The following FUT8 variants were observed in gnomAD, a reference collection of about 807,000 sequenced individuals.
FUT8 encodes alpha-(1,6)-fucosyltransferase.
FUT8 carries 29 observed loss-of-function variants against 71.3 expected under a neutral mutation model. The observed-to-expected ratio is 0.41, with a 90% CI of 0.30 to 0.55. The LOEUF is 0.55. Among genes scored for constraint, FUT8 ranks in the 20% least tolerant of loss-of-function variants. The pLI, the probability that FUT8 is intolerant of heterozygous loss-of-function variation, is 0.34. For synonymous variants in FUT8, 254 were observed against 239.3 expected (o/e 1.06, Z -0.57); for missense variants, 544 against 702.1 (o/e 0.77, Z 2.55).
chr14:65,634,042 C>T (rs1211415301), intron 6 of FUT8, among the ~76,000 whole-genome samples: 1 of 152,218 alleles, frequency 6.6e-6, no homozygotes, highest in Non-Finnish European at 1.5e-5. Context: ...TCTGCCCGGC[C>T]ACCACCCGGT....
chr14:65,575,451 C>T (rs1886704307), intron 3 of FUT8, among the ~76,000 whole-genome samples: 2 of 152,012 alleles, frequency 1.3e-5, no homozygotes, highest in Non-Finnish European at 2.9e-5. Flanking sequence ...CAGAAAATCC[C>T]ATTTTGATAG....
intron 10 of FUT8, among the ~76,000 whole-genome samples, chr14:65,741,875 C>A (rs1237214629): frequency 6.6e-6 from 1 of 151,826 alleles, no homozygotes; most frequent in Non-Finnish European, 1.5e-5. Context: ...AATAATCTTT[C>A]GTGAGTTTTT....
the FUT8 span, among the ~76,000 whole-genome samples, chr14:65,402,857 A>G: frequency 6.6e-6 from 1 of 152,136 alleles, no homozygotes; most frequent in East Asian, 1.9e-4. Flanking sequence ...ACCCCACTTG[A>G]CCTCTATCTA....
chr14:65,626,395 A>G (rs886718849), intron 5 of FUT8, among the ~76,000 whole-genome samples: 1 of 152,234 alleles, frequency 6.6e-6, no homozygotes, highest in Non-Finnish European at 1.5e-5. Context: ...TCTGGCTCCC[A>G]AAGCTCTCTC....
intron 2 of FUT8, among the ~76,000 whole-genome samples, chr14:65,512,031 A>G (rs1276770186): frequency 6.6e-6 from 1 of 152,188 alleles, no homozygotes. Context: ...CCTGGGGTAT[A>G]TGGTATAGCC....
chr14:65,477,271 G>GCA (rs1566772556), intron 2 of FUT8, among the ~76,000 whole-genome samples: 1 of 152,140 alleles, frequency 6.6e-6, no homozygotes. Context: ...AGAGTCTTTA[G>GCA]CACAGTTCCT....
At chr14:65,450,832 G>C (rs554418474) in intron 1 of FUT8, among the ~76,000 whole-genome samples, 1 of 151,736 alleles carries the variant, frequency 6.6e-6, no homozygotes, top group South Asian at 2.1e-4. Flanking sequence ...CGCAACAGGG[G>C]TGCCTTGTTT....
the FUT8 span, among the ~76,000 whole-genome samples, chr14:65,360,904 C>T: frequency 7.7e-4 from 117 of 152,248 alleles, no homozygotes; most frequent in Middle Eastern, 0.01. Flanking sequence ...TTTATGAGCC[C>T]ATATTTTCTC....
At chr14:65,620,146 TA>T (rs1271150331) in intron 5 of FUT8, among the ~76,000 whole-genome samples, 2 of 146,342 alleles carry the variant, frequency 1.4e-5, no homozygotes, top group Non-Finnish European at 3.0e-5. Context: ...AAAATTACCA[TA>T]TTTTTTTTAA....
the FUT8 span, among the ~76,000 whole-genome samples, chr14:65,398,544 G>A: frequency 6.6e-6 from 1 of 151,898 alleles, no homozygotes; most frequent in Non-Finnish European, 1.5e-5. Context: ...GACGATTCTG[G>A]CCAACATGGC....
At position 65,643,698 on chromosome 14, in the gene FUT8, ACACACACACACACACACC is replaced by A. The variant is rs1890972659; in HGVS notation, c.597+14093_597+14110del. ...CACACACACACACACACACACACACACACACACACACACACACCAGATTCCATTCTAGATGCTATTCCT... is the reference window on the plus strand; with the variant it reads ...CACACACACACACACACACACACACAAGATTCCATTCTAGATGCTATTCCT... On this transcript the variant is annotated intron_variant, in intron 6 of 10. Coordinates refer to ENST00000673929, the MANE Select transcript of FUT8 (RefSeq NM_001371533.1). The surrounding 1 kb of genome is among the most constrained non-coding windows in gnomAD (Gnocchi z 4.5). Among the ~76,000 whole-genome samples, 4 of 148,490 alleles carry A rather than the reference ACACACACACACACACACC, an allele frequency of 2.7e-5. No individual in the cohort carries two copies. In the South Asian group the frequency reaches 8.4e-4, roughly 31 times the overall value.
rs74056768 is a variant in FUT8 at position 65,444,007 on chromosome 14, A to C, written c.-325-11614A>C. Among the ~76,000 whole-genome samples, 1,173 of 152,294 alleles carry C rather than the reference A, an allele frequency of 7.7e-3. 9 individuals carry two copies. Among genetic ancestry groups the C allele is most frequent in the African/African-American group, 0.023 (976 of 41,568 alleles). ...TTTTAATTTAGTAAAACAAATTGAA[A>C]ATATTTGCATAAACTTTCTCTTATT... On this transcript the variant is annotated intron_variant, in intron 1 of 10. Transcript: ENST00000673929.
In FUT8 at chr14:65,611,297, ACACACC is replaced by A. The variant is rs1566851574; in HGVS notation, c.204-4679_204-4674del. On this transcript the variant is annotated intron_variant, in intron 3 of 10. Coordinates refer to ENST00000673929, the MANE Select transcript of FUT8 (RefSeq NM_001371533.1). ...CACACACACACACACACACACACAC[ACACACC>A]CCCCAAGTAATAGCCTTGATTTTGC... 2.7e-3 allele frequency among the ~76,000 whole-genome samples: 131 copies of A among 48,772 alleles called. 24 individuals are homozygous for A. The highest frequency in any genetic ancestry group is 0.012 in the African/African-American group (106 of 8,952). 32.0% of individuals were successfully genotyped at this position (48,772 alleles called of 152,430 possible). A position where few individuals can be genotyped will look rare whatever the true frequency, so the allele number is the denominator to read the frequency against.
chr14:65,691,296 C>G (rs1205861077), intron 7 of FUT8, among the ~76,000 whole-genome samples: 6 of 150,832 alleles, frequency 4.0e-5, no homozygotes, highest in East Asian at 1.9e-4. Context: ...TTTAGTGTTA[C>G]GTAGGAATGG....
chr14:65,673,635 G>T (rs1056609025), intron 7 of FUT8, among the ~76,000 whole-genome samples: 2 of 152,154 alleles, frequency 1.3e-5, no homozygotes, highest in African/African-American at 4.8e-5. Context: ...GAGTCACTGG[G>T]GGAACTAGTA....
chr14:65,691,881 A>G (rs985708491), intron 7 of FUT8, among the ~76,000 whole-genome samples: 1 of 152,212 alleles, frequency 6.6e-6, no homozygotes, highest in African/African-American at 2.4e-5. Flanking sequence ...AACCCTGAGT[A>G]GACACAGCTC....
intron 6 of FUT8, among the ~76,000 whole-genome samples, chr14:65,648,057 A>T (rs536744963): frequency 6.6e-6 from 1 of 152,244 alleles, no homozygotes; most frequent in African/African-American, 2.4e-5. Context: ...GCAAACTACC[A>T]CCCTTAGGCC....
chr14:65,522,467 CTTA>C (rs1464061606), intron 2 of FUT8, among the ~76,000 whole-genome samples: 3 of 151,908 alleles, frequency 2.0e-5, no homozygotes, highest in Non-Finnish European at 2.9e-5. Context: ...GTATCAAACT[CTTA>C]TTTAATGAAT....
intron 2 of FUT8, among the ~76,000 whole-genome samples, chr14:65,531,627 A>G (rs988107310): frequency 1.3e-5 from 2 of 152,134 alleles, no homozygotes; most frequent in Admixed American, 6.6e-5. Flanking sequence ...TTTTTGAACT[A>G]TTAGTTTAGG....
Sources: allele counts gnomAD v4.1 joint callset (sites outside exome capture counted in the v4.1 genomes callset), GRCh38; gene constraint gnomAD v4.1.1; non-coding constraint Gnocchi (gnomAD v3.1); transcripts MANE v1.5; gene names NCBI Gene and HGNC (gene_info 2026-07-23, HGNC 2026-07-21).